The following EDA2R variants were observed in gnomAD, a reference collection of about 807,000 sequenced individuals.
EDA2R encodes tumor necrosis factor receptor superfamily member 27.
Under a neutral mutation model 20.1 loss-of-function variants are expected in EDA2R, and 26 were observed. The ratio of observed to expected loss-of-function variants is 1.30; its 90% CI spans 0.95 to 1.80. EDA2R has a LOEUF of 1.80. Among genes scored for constraint, EDA2R ranks in the 40% most tolerant of loss-of-function variants. The pLI is 0.00. For synonymous variants in EDA2R, 114 were observed against 88.7 expected, an observed-to-expected ratio of 1.29 and a Z score of -1.60; for missense variants, 277 against 228.7, an observed-to-expected ratio of 1.21 and a Z score of -1.36.
In EDA2R at chrX:66,600,013, G is replaced by A. The variant is rs1928265237; in HGVS notation, c.518-153C>T. ...CTAGAGCACCTAGCACCAGGCTGAG[G>A]TGACACAGTTGAGAAACATACTTAC... On this transcript the variant is annotated intron_variant, in intron 5 of 6. Transcript: ENST00000374719. 4.3e-6 allele frequency: 5 copies of A among 1,151,842 alleles called. No individual in the cohort carries two copies. The East Asian group carries it at 1.6e-4, about 38-fold the overall frequency. 94.9% of individuals were successfully genotyped at this position (1,151,842 alleles called of 1,213,427 possible).
chrX:66,614,551 G>A (rs185470929), intron 2 of EDA2R, among the ~76,000 whole-genome samples: 1 of 111,891 alleles, frequency 8.9e-6, no homozygotes, highest in African/African-American at 3.2e-5. Flanking sequence ...TGTCCAGCAT[G>A]ACCTTACCTC....
At chrX:66,605,315 T>TCTG in intron 2 of EDA2R, 89 bp from the exon 3 acceptor site, 1 of 863,974 alleles carries the variant, frequency 1.2e-6, no homozygotes, top group Non-Finnish European at 1.5e-6. Context: ...CAGGGTAGTA[T>TCTG]TTTGCAACTT....
At chrX:66,601,445 C>T (rs971747489) in intron 5 of EDA2R, among the ~76,000 whole-genome samples, 3 of 111,603 alleles carry the variant, frequency 2.7e-5, no homozygotes, top group African/African-American at 9.8e-5. Context: ...CAGTGTTCCC[C>T]GTGTATCCTG....
intron 2 of EDA2R, among the ~76,000 whole-genome samples, chrX:66,609,078 G>C (rs1484999418): frequency 9.0e-6 from 1 of 111,487 alleles, no homozygotes; most frequent in Admixed American, 9.5e-5. Context: ...AAACCTAAAT[G>C]GGTGAATTGA....
intron 1 of EDA2R, among the ~76,000 whole-genome samples, chrX:66,638,158 G>A (rs1003894192): frequency 1.7e-4 from 19 of 111,848 alleles, no homozygotes; most frequent in Admixed American, 1.6e-3. Flanking sequence ...CACAGCCTAG[G>A]TCTCAGACAG....
In EDA2R at chrX:66,610,956, G is replaced by A. The variant is rs746004693; in HGVS notation, c.87+4978C>T. 2.2e-4 allele frequency among the ~76,000 whole-genome samples: 25 copies of A among 111,235 alleles called. No individual in the cohort carries two copies. In the South Asian group the frequency reaches 9.1e-3, roughly 40 times the overall value. Reference sequence around the variant, plus strand: ...TATTTTCCCCCACATAGGAACAGGTGGCTGGGGTATACTGGCAAGTGGTAT... The same window carrying A: ...TATTTTCCCCCACATAGGAACAGGTAGCTGGGGTATACTGGCAAGTGGTAT... On this transcript the variant is annotated intron_variant, in intron 2 of 6. Coordinates refer to ENST00000374719, the MANE Select transcript of EDA2R (RefSeq NM_021783.5).
intron 1 of EDA2R, among the ~76,000 whole-genome samples, chrX:66,633,508 T>C (rs1028546135): frequency 9.0e-6 from 1 of 111,228 alleles, no homozygotes; most frequent in African/African-American, 3.3e-5. Flanking sequence ...TGAGATAATG[T>C]ATGTGAGAGT....
At chrX:66,623,795 T>C (rs1450195784) in intron 1 of EDA2R, among the ~76,000 whole-genome samples, 1 of 111,907 alleles carries the variant, frequency 8.9e-6, no homozygotes, top group African/African-American at 3.3e-5. Context: ...CTCATCTTCT[T>C]CAGTTCTTTG....
chrX:66,612,721 T>G (rs748260739), intron 2 of EDA2R, among the ~76,000 whole-genome samples: 2 of 111,766 alleles, frequency 1.8e-5, no homozygotes, highest in Non-Finnish European at 3.8e-5. Flanking sequence ...TAAACATAAA[T>G]GTTCTAAGTA....
In EDA2R at chrX:66,597,595, C is replaced by A. The variant is rs1486218592; in HGVS notation, c.*509G>T. 9.0e-6 allele frequency: 1 copy of A among 111,409 alleles called. No individual in the cohort carries two copies. The highest frequency in any genetic ancestry group is 1.9e-5 in the Non-Finnish European group (1 of 53,120). 9.2% of individuals were successfully genotyped at this position (111,409 alleles called of 1,213,427 possible). A position where few individuals can be genotyped will look rare whatever the true frequency, so the allele number is the denominator to read the frequency against. ...GGGAATTATGGCACGAGGCCTCCCC[C>A]AAGATAGATATTAATGTGTGTGTGT... On this transcript the variant is annotated 3_prime_UTR_variant, in exon 7 of 7. Coordinates refer to ENST00000374719, the MANE Select transcript of EDA2R (RefSeq NM_021783.5).
At chrX:66,602,942 A>G in intron 4 of EDA2R, 145 bp from the exon 5 acceptor site, 1 of 497,679 alleles carries the variant, frequency 2.0e-6, no homozygotes, top group Non-Finnish European at 3.2e-6. Flanking sequence ...ACTTCTTTCT[A>G]GAGCAGGCAA....
chrX:66,626,737 C>T (rs1432668409), intron 1 of EDA2R, among the ~76,000 whole-genome samples: 2 of 86,225 alleles, frequency 2.3e-5, no homozygotes, highest in African/African-American at 4.4e-5. Context: ...AAAGTTAACA[C>T]AAAGGAAAGA....
intron 2 of EDA2R, among the ~76,000 whole-genome samples, 195 bp downstream of exon 2, chrX:66,615,739 C>T (rs1249614186): frequency 1.8e-5 from 2 of 111,561 alleles, no homozygotes; most frequent in African/African-American, 3.3e-5. Context: ...GGAAACTTCC[C>T]TTGACCTTGA....
intron 1 of EDA2R, among the ~76,000 whole-genome samples, chrX:66,625,932 G>A (rs750885255): frequency 3.6e-5 from 4 of 111,546 alleles, no homozygotes; most frequent in Non-Finnish European, 5.6e-5. Context: ...CTGCTGCTTG[G>A]CTCACAGGAA....
chrX:66,625,229 A>C (rs1028313491), intron 1 of EDA2R, among the ~76,000 whole-genome samples: 11 of 111,473 alleles, frequency 9.9e-5, no homozygotes, highest in Non-Finnish European at 1.7e-4. Flanking sequence ...GAAGAACCAA[A>C]GCCCTTTTAT....
intron 2 of EDA2R, among the ~76,000 whole-genome samples, chrX:66,612,744 G>A (rs1006351599): frequency 9.9e-5 from 11 of 111,603 alleles, no homozygotes; most frequent in Non-Finnish European, 1.9e-4. Context: ...CCAATTAAAA[G>A]ACAGGGATTG....
chrX:66,636,443 T>C (rs759165657), intron 1 of EDA2R, among the ~76,000 whole-genome samples: 1 of 110,733 alleles, frequency 9.0e-6, no homozygotes, highest in African/African-American at 3.3e-5. Context: ...TTCAGATCTC[T>C]GAAAAACTGT....
intron 2 of EDA2R, among the ~76,000 whole-genome samples, chrX:66,608,515 C>T (rs1480853215): frequency 1.8e-5 from 2 of 112,198 alleles, no homozygotes; most frequent in South Asian, 3.7e-4. Context: ...TCACAAAGTG[C>T]AGAGACTTAA....
chrX:66,615,921 T>C lies in EDA2R; in HGVS notation c.87+13A>G, dbSNP rs1368904411. The C allele has an allele frequency of 8.4e-7, 1 of 1,191,687 alleles. No homozygotes were observed. The highest frequency in any genetic ancestry group is 3.0e-5 in the East Asian group (1 of 33,655). On this transcript the variant is annotated intron_variant, in intron 2 of 6. Coordinates refer to ENST00000374719, the MANE Select transcript of EDA2R (RefSeq NM_021783.5). ...ATGCAACAGAAATAAGTGTACTGAATAGGATAACTTACCTTGGATAGCTCC... is the reference window on the plus strand; with the variant it reads ...ATGCAACAGAAATAAGTGTACTGAACAGGATAACTTACCTTGGATAGCTCC...
Sources: gnomAD v4.1 joint callset for allele counts (sites outside exome capture counted in the v4.1 genomes callset) on GRCh38, gnomAD v4.1.1 for gene constraint, MANE v1.5 for transcripts, NCBI Gene and HGNC (gene_info 2026-07-23, HGNC 2026-07-21) for gene names.